Variants in LCA5 observed in about 807,000 individuals in gnomAD.
LCA5 encodes the protein lebercilin.
Under a neutral mutation model 53.0 loss-of-function variants are expected in LCA5, and 37 were observed. That is an observed-to-expected ratio of 0.70 (90% CI 0.54 to 0.92). The LOEUF (loss-of-function observed/expected upper bound fraction) is 0.92. Ranked by LOEUF, LCA5 falls within the 40% of genes least tolerant of loss-of-function variation. LCA5 has a pLI of 0.00. For synonymous variants in LCA5, 303 were observed against 282.9 expected, an observed-to-expected ratio of 1.07 and a Z score of -0.71; for missense variants, 806 against 790.5, an observed-to-expected ratio of 1.02 and a Z score of -0.23.
chr6:79,499,308 A>G (rs1770067953), intron 3 of LCA5, among the ~76,000 whole-genome samples: 1 of 152,086 alleles, frequency 6.6e-6, no homozygotes, highest in South Asian at 2.1e-4. Flanking sequence ...TATTTAAAAA[A>G]AGCTTCTAAA....
intron 3 of LCA5, among the ~76,000 whole-genome samples, chr6:79,499,462 C>G (rs77311482): frequency 0.012 from 1,873 of 151,892 alleles, 36 homozygotes; most frequent in African/African-American, 0.043. Flanking sequence ...TTAATGTCAG[C>G]TTATTTTAGC....
intron 3 of LCA5, among the ~76,000 whole-genome samples, chr6:79,511,814 G>C (rs968015346): frequency 6.6e-6 from 1 of 152,126 alleles, no homozygotes; most frequent in Admixed American, 6.6e-5. Context: ...AACATTATAG[G>C]TGACTGATTT....
Position 79,491,670 on chromosome 6 carries a change from A to G in LCA5, c.1016T>C (p.Phe339Ser), listed in dbSNP as rs771402955. Residue 339 changes from phenylalanine to serine, a missense_variant, in exon 6 of 8, where the codon TTC (phenylalanine) becomes TCC (serine). Transcript: ENST00000369846. ...AGTTAAAGGATATTCTTCTGGCTTG[A>G]AGTCTTCCATGGTTTGTACTCCTTT... ...CTKGVQTMED[F>S]KPEEYPLTPE... is the part of the protein sequence containing the mutation. 1.1e-5 allele frequency: 17 copies of G among 1,613,046 alleles called. No individual in the cohort carries two copies. In the Admixed American group the frequency reaches 2.7e-4, roughly 25 times the overall value.
rs748090451 is a variant in LCA5 at position 79,513,191 on chromosome 6, T to C, written c.720+21A>G. Reference sequence around the variant, plus strand: ...GAGAAACATCCCAAGAAAGTACAATTAGAAGCTGTAGAAATTGTACCTTAA... The same window carrying C: ...GAGAAACATCCCAAGAAAGTACAATCAGAAGCTGTAGAAATTGTACCTTAA... On this transcript the variant is annotated intron_variant, in intron 3 of 7. Transcript: ENST00000369846. 5.0e-6 allele frequency: 8 copies of C among 1,605,238 alleles called. No homozygotes were observed. In the East Asian group the frequency reaches 1.3e-4, roughly 27 times the overall value.
Position 79,486,846 on chromosome 6 carries a change from A to G in LCA5, c.*158T>C. Reference sequence around the variant, plus strand: ...TCTTGGCAAACTATCTATGTGGTGTATGTATGATCTACTTCTTTTTAACTG... The same window carrying G: ...TCTTGGCAAACTATCTATGTGGTGTGTGTATGATCTACTTCTTTTTAACTG... On this transcript the variant is annotated 3_prime_UTR_variant, in exon 8 of 8. Transcript: ENST00000369846. 1 of 622,108 alleles carries G rather than the reference A, an allele frequency of 1.6e-6. No homozygotes were observed. Among genetic ancestry groups the G allele is most frequent in the South Asian group, 2.3e-5 (1 of 43,476 alleles). 38.5% of individuals were successfully genotyped at this position (622,108 alleles called of 1,614,324 possible).
Position 79,487,867 on chromosome 6 carries a change from C to G in LCA5, c.1232-1G>C. The G allele has an allele frequency of 6.2e-7, 1 of 1,600,756 alleles. No homozygotes were observed. Among genetic ancestry groups the G allele is most frequent in the Non-Finnish European group, 8.5e-7 (1 of 1,173,024 alleles). ...TTATCAAGTTCTTCTCTTTCCCATT[C>G]TGTATGAAATCAAATTTTTTAAATG... On this transcript the variant is annotated splice_acceptor_variant, in intron 7 of 7. Transcript: ENST00000369846. LOFTEE classifies it high-confidence loss of function.
intron 6 of LCA5, 60 bp from the exon 7 acceptor site, chr6:79,489,276 A>T: frequency 6.5e-7 from 1 of 1,532,934 alleles, no homozygotes; most frequent in Non-Finnish European, 9.0e-7. Context: ...GGAACTAAGC[A>T]ACACAGATTT....
At chr6:79,521,682 C>T (rs1766629377) in intron 1 of LCA5, among the ~76,000 whole-genome samples, 1 of 152,054 alleles carries the variant, frequency 6.6e-6, no homozygotes, top group South Asian at 2.1e-4. Flanking sequence ...ACTTTGTCCA[C>T]TGAAAAATCC....
chr6:79,503,551 A>G (rs1454712018), intron 3 of LCA5, among the ~76,000 whole-genome samples: 1 of 152,200 alleles, frequency 6.6e-6, no homozygotes, highest in Non-Finnish European at 1.5e-5. Flanking sequence ...GAATGCTACC[A>G]TGCTTTAATG....
At chr6:79,507,758 T>C (rs1770308165) in intron 3 of LCA5, among the ~76,000 whole-genome samples, 1 of 152,066 alleles carries the variant, frequency 6.6e-6, no homozygotes, top group South Asian at 2.1e-4. Context: ...ACTCTTTGTT[T>C]TGGGTTAAAA....
At chr6:79,503,709 G>A (rs924013229) in intron 3 of LCA5, among the ~76,000 whole-genome samples, 2 of 152,124 alleles carry the variant, frequency 1.3e-5, no homozygotes, top group Non-Finnish European at 2.9e-5. Context: ...TATACAGACT[G>A]GAAACTAAGG....
At chr6:79,535,905 T>TG (rs1328826483) in intron 1 of LCA5, among the ~76,000 whole-genome samples, 1 of 152,162 alleles carries the variant, frequency 6.6e-6, no homozygotes, top group Non-Finnish European at 1.5e-5. Context: ...AGTTGAAGAA[T>TG]GACAGGCAGA....
At chr6:79,492,367 GA>G (rs34617784) in intron 5 of LCA5, among the ~76,000 whole-genome samples, 183 bp downstream of exon 5, 2,667 of 151,736 alleles carry the variant, frequency 0.018, 80 homozygotes, top group African/African-American at 0.059. Context: ...CACTTCAGGG[GA>G]AAAAAATGGA....
At chr6:79,532,781 T>A (rs1312765390) in intron 1 of LCA5, among the ~76,000 whole-genome samples, 1 of 152,144 alleles carries the variant, frequency 6.6e-6, no homozygotes, top group East Asian at 1.9e-4. Flanking sequence ...AATCTTACAT[T>A]TATTGTCTTA....
intron 6 of LCA5, 57 bp downstream of exon 6, chr6:79,491,531 T>C (rs966825045): frequency 5.7e-6 from 9 of 1,569,302 alleles, no homozygotes; most frequent in Non-Finnish European, 7.9e-6. Flanking sequence ...TCTGATATTG[T>C]GTTTTTAGGA....
intron 1 of LCA5, among the ~76,000 whole-genome samples, chr6:79,533,519 G>A (rs1767015618): frequency 6.6e-6 from 1 of 150,576 alleles, no homozygotes. Flanking sequence ...TGCTACTACA[G>A]CAATTAATAG....
chr6:79,532,662 T>A (rs1207102501), intron 1 of LCA5, among the ~76,000 whole-genome samples: 1 of 152,188 alleles, frequency 6.6e-6, no homozygotes, highest in Non-Finnish European at 1.5e-5. Context: ...AGCACAAATG[T>A]CACCTTCTCA....
intron 2 of LCA5, among the ~76,000 whole-genome samples, chr6:79,518,346 TCTA>T (rs1265232510): frequency 1.3e-5 from 2 of 152,216 alleles, no homozygotes; most frequent in African/African-American, 4.8e-5. Flanking sequence ...CGATGCTTTT[TCTA>T]CTTTCAAAAA....
chr6:79,531,779 C>T (rs1404545188), intron 1 of LCA5, among the ~76,000 whole-genome samples: 1 of 152,134 alleles, frequency 6.6e-6, no homozygotes, highest in African/African-American at 2.4e-5. Context: ...GATCTATTTT[C>T]CTGGTTTGCT....
Sources: allele counts gnomAD v4.1 joint callset (sites outside exome capture counted in the v4.1 genomes callset), GRCh38; gene constraint gnomAD v4.1.1; transcripts MANE v1.5; gene names NCBI Gene and HGNC (gene_info 2026-07-23, HGNC 2026-07-21).